The following TUSC3 variants were observed in gnomAD, a reference collection of about 807,000 sequenced individuals.
The protein encoded by TUSC3 is dolichyl-diphosphooligosaccharide--protein glycosyltransferase subunit TUSC3.
Under a neutral mutation model 44.8 loss-of-function variants are expected in TUSC3, and 45 were observed. The ratio of observed to expected loss-of-function variants is 1.00; its 90% CI spans 0.79 to 1.29. TUSC3 has a LOEUF of 1.29. Among genes scored for constraint, TUSC3 ranks in the 50% most tolerant of loss-of-function variants. TUSC3 has a pLI of 0.00. For synonymous variants in TUSC3, 212 were observed against 152.9 expected (o/e 1.39, Z -2.85); for missense variants, 519 against 437.9 (o/e 1.19, Z -1.65).
At chr8:15,550,471 C>T (rs1266638176) in intron 1 of TUSC3, among the ~76,000 whole-genome samples, 1 of 151,622 alleles carries the variant, frequency 6.6e-6, no homozygotes, top group Non-Finnish European at 1.5e-5. Flanking sequence ...AATAACAAAG[C>T]TGGGACTAAA....
chr8:15,533,032 T>TC (rs1454056326), intron 2 of TUSC3, among the ~76,000 whole-genome samples: 3 of 152,156 alleles, frequency 2.0e-5, no homozygotes, highest in Admixed American at 2.0e-4. Context: ...ACCTTGGTGT[T>TC]CCCCTGCCTT....
At chr8:15,842,137 C>T in the TUSC3 span, among the ~76,000 whole-genome samples, 62 of 152,180 alleles carry the variant, frequency 4.1e-4, no homozygotes, top group African/African-American at 1.4e-3. Flanking sequence ...GAACACAAAA[C>T]CTTCTTCTTG....
the TUSC3 span, among the ~76,000 whole-genome samples, chr8:15,849,828 A>G: frequency 3.9e-5 from 6 of 152,162 alleles, no homozygotes; most frequent in East Asian, 1.2e-3. Flanking sequence ...AAAGCAAAGC[A>G]TCTTGAAATG....
chr8:15,504,557 C>A (rs1489425713), intron 2 of TUSC3, among the ~76,000 whole-genome samples: 3 of 109,098 alleles, frequency 2.7e-5, no homozygotes, highest in Non-Finnish European at 5.3e-5. Flanking sequence ...CTATTTTAAT[C>A]CTATTAAAGG....
At chr8:15,509,907 C>T (rs1471828947) in intron 2 of TUSC3, among the ~76,000 whole-genome samples, 1 of 151,958 alleles carries the variant, frequency 6.6e-6, no homozygotes, top group Non-Finnish European at 1.5e-5. Context: ...TAATGCTTAC[C>T]AGGAGAATCC....
At chr8:15,770,514 G>A (rs1812422145), downstream of TUSC3, among the ~76,000 whole-genome samples, 1 of 152,016 alleles carries the variant, frequency 6.6e-6, no homozygotes, top group Non-Finnish European at 1.5e-5. Context: ...TCTGTAACCT[G>A]CATGTTTTGC....
chr8:15,669,795 C>G (rs1807860551), intron 5 of TUSC3, among the ~76,000 whole-genome samples: 1 of 151,636 alleles, frequency 6.6e-6, no homozygotes. Flanking sequence ...GATGCCTGCT[C>G]TTGAGTATTT....
At chr8:15,451,456 G>A (rs1800196303) in intron 1 of TUSC3, among the ~76,000 whole-genome samples, 2 of 152,100 alleles carry the variant, frequency 1.3e-5, no homozygotes, top group Admixed American at 6.6e-5. Flanking sequence ...ACCAATCATG[G>A]CTACATAATG....
intron 2 of TUSC3, among the ~76,000 whole-genome samples, chr8:15,641,975 C>G (rs751341738): frequency 2.0e-5 from 3 of 152,190 alleles, no homozygotes; most frequent in Admixed American, 6.5e-5. Context: ...GTACATATGT[C>G]TACACTCACC....
At chr8:15,419,520 G>C (rs933589576) in intron 1 of TUSC3, among the ~76,000 whole-genome samples, 3 of 152,030 alleles carry the variant, frequency 2.0e-5, no homozygotes, top group African/African-American at 7.2e-5. Context: ...ATTTGATGTG[G>C]CAAGTTTAAG....
At chr8:15,787,913 T>A in the TUSC3 span, among the ~76,000 whole-genome samples, 3 of 152,242 alleles carry the variant, frequency 2.0e-5, no homozygotes, top group Non-Finnish European at 4.4e-5. Flanking sequence ...CTTGGAGAGA[T>A]GAATGAGGTT....
At chr8:15,712,381 A>G (rs929398664) in intron 6 of TUSC3, among the ~76,000 whole-genome samples, 4 of 152,066 alleles carry the variant, frequency 2.6e-5, no homozygotes, top group Admixed American at 2.0e-4. Context: ...TTTCAGAACT[A>G]TTTGAAACCT....
chr8:15,718,709 A>G (rs543285718), intron 6 of TUSC3, among the ~76,000 whole-genome samples: 2 of 152,246 alleles, frequency 1.3e-5, no homozygotes, highest in Admixed American at 1.3e-4. Context: ...AAACTTAGAT[A>G]TATAACTTAT....
chr8:15,617,546 C>G (rs1324765742), intron 1 of TUSC3, among the ~76,000 whole-genome samples: 1 of 152,122 alleles, frequency 6.6e-6, no homozygotes, highest in African/African-American at 2.4e-5. Flanking sequence ...GAGTTCTTCT[C>G]TGACAGTGAT....
At chr8:15,713,150 A>G (rs568679798) in intron 6 of TUSC3, among the ~76,000 whole-genome samples, 2 of 152,300 alleles carry the variant, frequency 1.3e-5, no homozygotes, top group South Asian at 2.1e-4. Context: ...ATACATAACT[A>G]TATAAAAGAA....
intron 2 of TUSC3, among the ~76,000 whole-genome samples, chr8:15,526,321 C>T (rs974599038): frequency 3.3e-5 from 5 of 152,110 alleles, no homozygotes; most frequent in Admixed American, 1.3e-4. Flanking sequence ...CGTGAGCCAC[C>T]GCGCCTGGCT....
chr8:15,829,028 G>A, the TUSC3 span, among the ~76,000 whole-genome samples: 1 of 152,036 alleles, frequency 6.6e-6, no homozygotes, highest in African/African-American at 2.4e-5. Flanking sequence ...CCCCACTCAT[G>A]CTGTTTTATC....
chr8:15,499,927 A>G (rs1753356115), intron 2 of TUSC3, among the ~76,000 whole-genome samples: 1 of 152,232 alleles, frequency 6.6e-6, no homozygotes, highest in South Asian at 2.1e-4. Flanking sequence ...TGTAGAACCC[A>G]GATGAATACA....
At chr8:15,581,806 C>T (rs1282367947) in intron 1 of TUSC3, among the ~76,000 whole-genome samples, 1 of 133,306 alleles carries the variant, frequency 7.5e-6, no homozygotes, top group African/African-American at 3.2e-5. Context: ...GTGGAGCCTA[C>T]AGAGGCAGGC....
Sources: allele counts gnomAD v4.1 joint callset (sites outside exome capture counted in the v4.1 genomes callset), GRCh38; gene constraint gnomAD v4.1.1; transcripts MANE v1.5; gene names NCBI Gene and HGNC (gene_info 2026-07-23, HGNC 2026-07-21).